The following CPAMD8 variants were observed in gnomAD, a reference collection of about 807,000 sequenced individuals.
CPAMD8 encodes the protein C3 and PZP like alpha-2-macroglobulin domain containing 8.
In CPAMD8, 146 loss-of-function variants were observed where a neutral mutation model predicts 224.7. That is an observed-to-expected ratio of 0.65 (90% confidence interval 0.57 to 0.75). The LOEUF (loss-of-function observed/expected upper bound fraction) is 0.75, where lower values mean the gene tolerates loss of function less well. CPAMD8 is among the 30% of genes least tolerant of loss of function. The pLI, the probability that CPAMD8 is intolerant of heterozygous loss-of-function variation, is 0.00. For synonymous variants in CPAMD8, 966 were observed against 1,044.6 expected (o/e 0.92, Z 1.45); for missense variants, 2,301 against 2,537.5 (o/e 0.91, Z 2.00).
chr19:16,901,069 G>A (rs924608606), intron 36 of CPAMD8, 141 bp downstream of exon 36: 5 of 594,868 alleles, frequency 8.4e-6, no homozygotes, highest in African/African-American at 3.8e-5. Flanking sequence ...GGAAGGGGGA[G>A]GGGGAGAGGG....
chr19:17,006,440 T>G (rs1209441469), intron 7 of CPAMD8, among the ~76,000 whole-genome samples: 1 of 151,786 alleles, frequency 6.6e-6, no homozygotes, highest in Non-Finnish European at 1.5e-5. Context: ...GGAGGATCAC[T>G]TGAACCCAAG....
intron 35 of CPAMD8, among the ~76,000 whole-genome samples, chr19:16,902,299 G>A (rs971881567): frequency 2.6e-5 from 4 of 152,030 alleles, no homozygotes; most frequent in South Asian, 2.1e-4. Flanking sequence ...GGCAGATCAC[G>A]AGGTCAGGAG....
intron 32 of CPAMD8, 50 bp downstream of exon 32, chr19:16,904,176 A>AGGGGCCCCCCCCCCCCCCCCCCCC: frequency 4.3e-6 from 4 of 937,338 alleles, no homozygotes; most frequent in Non-Finnish European, 6.7e-6. Flanking sequence ...GACTGCAGGG[A>AGGGGCCCCCCCCCCCCCCCCCCCC]CCCCACCCAC....
chr19:16,960,291 G>A (rs2054609599), intron 18 of CPAMD8, among the ~76,000 whole-genome samples: 1 of 152,128 alleles, frequency 6.6e-6, no homozygotes, highest in East Asian at 1.9e-4. Context: ...ACCTCTCCTA[G>A]GAGCAGACCC....
At chr19:16,914,621 G>A (rs1186534361) in intron 28 of CPAMD8, 36 bp downstream of exon 28, 2 of 1,613,400 alleles carry the variant, frequency 1.2e-6, no homozygotes, top group African/African-American at 2.7e-5. Context: ...GGGAGGAGGT[G>A]AGGGGCCCGG....
At chr19:17,013,384 AC>A (rs1204309984) in intron 3 of CPAMD8, 2 of 151,862 alleles carry the variant, frequency 1.3e-5, no homozygotes, top group African/African-American at 4.8e-5. Context: ...TGTGTCAGGC[AC>A]CTGTAGTTCC....
chr19:16,932,363 G>A (rs1049995204), intron 23 of CPAMD8, among the ~76,000 whole-genome samples: 4 of 152,130 alleles, frequency 2.6e-5, no homozygotes, highest in Admixed American at 6.5e-5. Context: ...CAAGGCTGCA[G>A]TGAGCCATGA....
In CPAMD8 at chr19:16,947,058, A is replaced by C. The variant is rs759863197; in HGVS notation, c.2662+16T>G. The C allele has an allele frequency of 1.3e-6, 2 of 1,586,122 alleles. No homozygotes were observed. Among genetic ancestry groups the C allele is most frequent in the Non-Finnish European group, 1.7e-6 (2 of 1,164,502 alleles). On this transcript the variant is annotated intron_variant, in intron 21 of 41. Transcript: ENST00000443236. ...CCTGGAGAGGGGGGACACCCCAAGA[A>C]CTGTGGGGTCCTCACCCGTGATGTT... is the stretch of plus-strand genomic sequence containing the variant.
chr19:16,904,176 A>ACGGCCCCCCCCCCCCCCCCC, intron 32 of CPAMD8, 50 bp downstream of exon 32: 5 of 937,336 alleles, frequency 5.3e-6, no homozygotes, highest in Non-Finnish European at 8.4e-6. Flanking sequence ...GACTGCAGGG[A>ACGGCCCCCCCCCCCCCCCCC]CCCCACCCAC....
At chr19:16,967,892 T>TATATGTGCATACATACACACAC (rs71946803) in intron 18 of CPAMD8, among the ~76,000 whole-genome samples, 1 of 49,514 alleles carries the variant, frequency 2.0e-5, no homozygotes, top group Non-Finnish European at 3.5e-5. Flanking sequence ...TACACACACA[T>TATATGTGCATACATACACACAC]GTGTGTGTAT....
rs764092199 is a variant in CPAMD8 at position 16,938,449 on chromosome 19, G to A, written c.2794-3C>T. ...TACGCCCGGGGGACTCCTTCCGCCT[G>A]AAACAAAGAAACAAGGAGAACTGAG... On this transcript the variant is annotated splice_region_variant and splice_polypyrimidine_tract_variant and intron_variant, in intron 22 of 41. Transcript: ENST00000443236. The A allele has an allele frequency of 1.3e-6, 2 of 1,567,134 alleles. No individual in the cohort carries two copies. Among genetic ancestry groups the A allele is most frequent in the African/African-American group, 2.8e-5 (2 of 71,832 alleles).
rs114344126 is a variant in CPAMD8, at chr19:16,993,048, A to G, written c.1266+368T>C. ...CCCAATCTCTTTCCAAAATGGCTCA[A>G]TGTAGTTGAGCACTTGTGAGACTCT... On this transcript the variant is annotated intron_variant, in intron 12 of 41. Transcript: ENST00000443236. Among the ~76,000 whole-genome samples, 1,144 of 152,228 alleles carry G rather than the reference A, an allele frequency of 7.5e-3. 16 individuals carry two copies. The highest frequency in any genetic ancestry group is 0.025 in the African/African-American group (1,041 of 41,530).
intron 8 of CPAMD8, 52 bp downstream of exon 8, chr19:17,004,221 T>C (rs112677974): frequency 9.1e-6 from 12 of 1,311,766 alleles, no homozygotes. Flanking sequence ...CACCAGTTTC[T>C]AAGGTTTCTC....
Position 17,009,429 on chromosome 19 carries a change from G to A in CPAMD8, c.487-109C>T, listed in dbSNP as rs1053988069. The A allele has an allele frequency of 3.1e-5, 48 of 1,566,260 alleles. No homozygotes were observed. The Admixed American group carries it at 7.7e-4, about 25-fold the overall frequency. On this transcript the variant is annotated intron_variant, in intron 5 of 41. Transcript: ENST00000443236. ...CCGGGACAGGCAGTCGCTGTTATGG[G>A]TTAAACAGTGTCCCCCTAGATTACA...
intron 21 of CPAMD8, among the ~76,000 whole-genome samples, chr19:16,946,390 T>TGA (rs1483074938): frequency 6.8e-6 from 1 of 146,738 alleles, no homozygotes; most frequent in Non-Finnish European, 1.5e-5. Context: ...TGTGTGTGTA[T>TGA]ATGCATGTCT....
At chr19:16,950,118 T>G (rs932626715) in intron 20 of CPAMD8, among the ~76,000 whole-genome samples, 2 of 150,802 alleles carry the variant, frequency 1.3e-5, no homozygotes, top group African/African-American at 4.9e-5. Flanking sequence ...GCCAACATAG[T>G]GAAACCCCGT....
intron 6 of CPAMD8, 30 bp from the exon 7 acceptor site, chr19:17,008,589 G>C (rs112480135): frequency 3.7e-5 from 59 of 1,611,442 alleles, no homozygotes; most frequent in Middle Eastern, 3.3e-4. Flanking sequence ...ACAGACACAC[G>C]GAGTGAACTC....
At chr19:16,971,227 G>A in intron 17 of CPAMD8, 194 bp from the exon 18 acceptor site, 3 of 522,564 alleles carry the variant, frequency 5.7e-6, no homozygotes, top group Non-Finnish European at 9.9e-6. Context: ...TTGAGACGGA[G>A]TCTCGCTCTG....
intron 23 of CPAMD8, among the ~76,000 whole-genome samples, chr19:16,932,492 G>A (rs2053573847): frequency 6.6e-6 from 1 of 152,036 alleles, no homozygotes; most frequent in Non-Finnish European, 1.5e-5. Context: ...ACCATACAAA[G>A]AAGTCAGAAA....
Sources: allele counts gnomAD v4.1 joint callset (sites outside exome capture counted in the v4.1 genomes callset), GRCh38; gene constraint gnomAD v4.1.1; transcripts MANE v1.5; gene names NCBI Gene and HGNC (gene_info 2026-07-23, HGNC 2026-07-21).